ZFAND3: variants seen among roughly 807,000 people sequenced by gnomAD.
The protein encoded by ZFAND3 is zinc finger AN1-type containing 3.
Under a neutral mutation model 29.6 loss-of-function variants are expected in ZFAND3, and 10 were observed. The ratio of observed to expected loss-of-function variants is 0.34; its 90% CI spans 0.21 to 0.57. The LOEUF is 0.57. Ranked by LOEUF, ZFAND3 falls within the 20% of genes least tolerant of loss-of-function variation. The pLI, the probability that ZFAND3 is intolerant of heterozygous loss-of-function variation, is 0.86. For missense variants in ZFAND3, 230 were observed against 304.5 expected (o/e 0.76, Z 1.82); for synonymous variants, 128 against 112.6 (o/e 1.14, Z -0.87).
chr6:38,090,650 G>C (rs776887140), intron 4 of ZFAND3, among the ~76,000 whole-genome samples: 3 of 152,204 alleles, frequency 2.0e-5, no homozygotes, highest in Non-Finnish European at 4.4e-5. Context: ...TGGCCATTCA[G>C]TGGATGACTG....
At chr6:37,974,990 C>A (rs1362747364) in intron 2 of ZFAND3, among the ~76,000 whole-genome samples, 1 of 152,124 alleles carries the variant, frequency 6.6e-6, no homozygotes, top group Non-Finnish European at 1.5e-5. Context: ...TCCTTTGCTT[C>A]TGGGTAAATG....
At chr6:37,872,559 C>T (rs750284947) in intron 1 of ZFAND3, among the ~76,000 whole-genome samples, 3 of 152,170 alleles carry the variant, frequency 2.0e-5, no homozygotes, top group Non-Finnish European at 2.9e-5. Context: ...CTCCCACTTG[C>T]CTCTCCAGAG....
intron 1 of ZFAND3, among the ~76,000 whole-genome samples, chr6:37,903,670 G>C (rs994325624): frequency 2.0e-5 from 3 of 152,230 alleles, no homozygotes; most frequent in Non-Finnish European, 4.4e-5. Flanking sequence ...ATCAGTGGCA[G>C]AGCACGCGCT....
At chr6:38,027,657 G>C (rs1031694307) in intron 2 of ZFAND3, among the ~76,000 whole-genome samples, 1 of 152,146 alleles carries the variant, frequency 6.6e-6, no homozygotes, top group Non-Finnish European at 1.5e-5. Context: ...AAGAAAAACT[G>C]TTCTTCATGG....
intron 2 of ZFAND3, among the ~76,000 whole-genome samples, chr6:37,981,269 TAAAC>T (rs1762575905): frequency 6.6e-6 from 1 of 152,226 alleles, no homozygotes; most frequent in Non-Finnish European, 1.5e-5. Context: ...TTGGGGCACT[TAAAC>T]AAAAACTACA....
chr6:37,932,155 G>T (rs1761608803), intron 2 of ZFAND3, among the ~76,000 whole-genome samples: 1 of 152,014 alleles, frequency 6.6e-6, no homozygotes, highest in Non-Finnish European at 1.5e-5. Context: ...TGTAATCCCA[G>T]CTACTCGGGA....
chr6:37,977,427 G>A (rs185362329), intron 2 of ZFAND3, among the ~76,000 whole-genome samples: 11 of 152,184 alleles, frequency 7.2e-5, no homozygotes, highest in Non-Finnish European at 1.5e-4. Flanking sequence ...TTAGCCTCCC[G>A]AGTAGCTAGG....
chr6:37,834,100 C>G (rs1354713609), intron 1 of ZFAND3, among the ~76,000 whole-genome samples: 1 of 152,134 alleles, frequency 6.6e-6, no homozygotes, highest in Non-Finnish European at 1.5e-5. Context: ...TGTAATGAAT[C>G]TACCATTATA....
At chr6:37,854,044 T>G (rs1284458708) in intron 1 of ZFAND3, among the ~76,000 whole-genome samples, 1 of 152,134 alleles carries the variant, frequency 6.6e-6, no homozygotes, top group East Asian at 1.9e-4. Context: ...CTCCGCCTCC[T>G]GGGTTCAAGC....
At chr6:38,117,783 T>C (rs1765450356) in intron 5 of ZFAND3, among the ~76,000 whole-genome samples, 1 of 152,190 alleles carries the variant, frequency 6.6e-6, no homozygotes, top group African/African-American at 2.4e-5. Flanking sequence ...AGTTATAAAG[T>C]AATGGTCACT....
chr6:38,000,420 A>G (rs1344911902), intron 2 of ZFAND3, among the ~76,000 whole-genome samples: 3 of 152,224 alleles, frequency 2.0e-5, no homozygotes, highest in Admixed American at 1.3e-4. Context: ...TAATTTATAA[A>G]GGAAAGAGGT....
intron 5 of ZFAND3, among the ~76,000 whole-genome samples, chr6:38,144,057 TACA>T (rs1766016484): frequency 1.3e-5 from 2 of 151,308 alleles, no homozygotes; most frequent in African/African-American, 4.9e-5. Flanking sequence ...GCTAATGCTT[TACA>T]ACAAGCTTCC....
intron 2 of ZFAND3, among the ~76,000 whole-genome samples, chr6:37,934,601 G>A (rs1761661718): frequency 6.6e-6 from 1 of 150,844 alleles, no homozygotes; most frequent in Non-Finnish European, 1.5e-5. Flanking sequence ...GGAGGCCCCA[G>A]GTGGGTGGAT....
chr6:37,854,773 C>T lies in ZFAND3; in HGVS notation c.71+34757C>T, dbSNP rs968613538. On this transcript the variant is annotated intron_variant, in intron 1 of 5. Coordinates refer to ENST00000287218, the MANE Select transcript of ZFAND3 (RefSeq NM_021943.3). ...CTACATAGGCTAAAATGCCCCCCCC[C>T]CCCTTTTTTTTTAAGAAGTAGGCTG... 6.3e-5 allele frequency among the ~76,000 whole-genome samples: 9 copies of T among 141,938 alleles called. 1 individual carries two copies. The South Asian group carries it at 1.8e-3, about 28-fold the overall frequency. The allele number at this position is 141,938 out of a possible 152,430, so 93.1% of individuals were successfully genotyped here. A position where few individuals can be genotyped will look rare whatever the true frequency, so the allele number is the denominator to read the frequency against.
intron 5 of ZFAND3, among the ~76,000 whole-genome samples, chr6:38,135,735 A>G (rs1359179452): frequency 6.6e-6 from 1 of 151,694 alleles, no homozygotes; most frequent in East Asian, 1.9e-4. Flanking sequence ...ACAGAGCAAG[A>G]CTCCATCTCA....
chr6:37,938,941 G>C (rs555034679), intron 2 of ZFAND3, among the ~76,000 whole-genome samples: 1 of 152,264 alleles, frequency 6.6e-6, no homozygotes, highest in African/African-American at 2.4e-5. Flanking sequence ...GTAGTTACTA[G>C]GTCTTTTAAG....
chr6:37,985,527 A>ACACACACACCCCCC (rs753070737), intron 2 of ZFAND3, among the ~76,000 whole-genome samples: 3 of 141,760 alleles, frequency 2.1e-5, no homozygotes, highest in Non-Finnish European at 4.8e-5. Flanking sequence ...ACACACACAC[A>ACACACACACCCCCC]CCCCCACACA....
chr6:38,074,099 C>T (rs1382659980), intron 3 of ZFAND3, among the ~76,000 whole-genome samples: 1 of 152,108 alleles, frequency 6.6e-6, no homozygotes, highest in African/African-American at 2.4e-5. Flanking sequence ...GGTTCTATAC[C>T]AGTGGTTCTC....
At chr6:38,048,706 G>A (rs191451599) in intron 2 of ZFAND3, among the ~76,000 whole-genome samples, 56 of 151,498 alleles carry the variant, frequency 3.7e-4, no homozygotes, top group African/African-American at 1.2e-3. Flanking sequence ...AGGTTTTAAC[G>A]TTTTTGCAGT....
Sources: gnomAD v4.1 joint callset for allele counts (sites outside exome capture counted in the v4.1 genomes callset) on GRCh38, gnomAD v4.1.1 for gene constraint, MANE v1.5 for transcripts, NCBI Gene and HGNC (gene_info 2026-07-23, HGNC 2026-07-21) for gene names.